RIMS2: variants seen among roughly 807,000 people sequenced by gnomAD.
RIMS2 encodes the protein regulating synaptic membrane exocytosis protein 2.
RIMS2 carries 59 observed loss-of-function variants against 174.4 expected under a neutral mutation model. The observed-to-expected ratio is 0.34, with a 90% CI of 0.27 to 0.42. The LOEUF (loss-of-function observed/expected upper bound fraction) is 0.42, where lower values mean the gene tolerates loss of function less well. Ranked by LOEUF, RIMS2 falls within the 10% of genes least tolerant of loss-of-function variation. RIMS2 has a pLI of 1.00. For missense variants in RIMS2, 1,620 were observed against 1,666.3 expected, an observed-to-expected ratio of 0.97 and a Z score of 0.48; for synonymous variants, 606 against 572.5, an observed-to-expected ratio of 1.06 and a Z score of -0.84.
rs551596180 is a variant in RIMS2, at chr8:104,039,637, A to T, written c.3334+25022A>T. ...CATACCAATTTCATTTTTACTTGTG[A>T]GGGAACTATTTTAGTAGTATGGAAA... On this transcript the variant is annotated intron_variant, in intron 19 of 23. Coordinates refer to ENST00000504942, the Ensembl canonical transcript of RIMS2. Among the ~76,000 whole-genome samples the T allele has an allele frequency of 2.3e-4, 35 of 151,866 alleles. No homozygotes were observed. In the Middle Eastern group the frequency reaches 0.01, roughly 44 times the overall value.
At chr8:103,523,092 TTATG>T (rs1389702579) in intron 1 of RIMS2, among the ~76,000 whole-genome samples, 6 of 151,802 alleles carry the variant, frequency 4.0e-5, no homozygotes, top group African/African-American at 1.4e-4. Context: ...ATGTGTGTGT[TTATG>T]TGTGTGTGTG....
intron 2 of RIMS2, among the ~76,000 whole-genome samples, chr8:103,729,919 T>A (rs979881954): frequency 2.2e-4 from 33 of 152,198 alleles, no homozygotes; most frequent in African/African-American, 7.7e-4. Context: ...CTTAATATAA[T>A]GTTAGTTTTT....
chr8:103,953,843 G>A (rs1178844830), intron 14 of RIMS2, among the ~76,000 whole-genome samples: 1 of 152,044 alleles, frequency 6.6e-6, no homozygotes, highest in Non-Finnish European at 1.5e-5. Context: ...TCAGTGTGCT[G>A]TATTCAGGAG....
rs532964013 is a variant in RIMS2 at position 104,011,098 on chromosome 8, G to T, written c.3045-2344G>T. 9.9e-5 allele frequency among the ~76,000 whole-genome samples: 15 copies of T among 152,242 alleles called. No individual in the cohort carries two copies. In the East Asian group the frequency reaches 2.5e-3, roughly 25 times the overall value. On this transcript the variant is annotated intron_variant, in intron 17 of 23. Transcript: ENST00000504942. ...TCTCAATCCCTTTAAGGGACCTGAT[G>T]TAAGACTGTGTAATTTAGGCATTGC...
intron 1 of RIMS2, among the ~76,000 whole-genome samples, chr8:103,680,223 C>T (rs1359063208): frequency 6.6e-6 from 1 of 151,848 alleles, no homozygotes; most frequent in Non-Finnish European, 1.5e-5. Flanking sequence ...ATAAACAGAC[C>T]TATGTATATA....
intron 19 of RIMS2, among the ~76,000 whole-genome samples, chr8:104,219,688 T>C (rs1563825166): frequency 6.6e-6 from 1 of 152,206 alleles, no homozygotes; most frequent in Admixed American, 6.5e-5. Flanking sequence ...TTGTGTATAT[T>C]TGTGACTCAC....
intron 2 of RIMS2, among the ~76,000 whole-genome samples, chr8:103,753,252 T>C (rs1276626379): frequency 6.6e-6 from 1 of 152,238 alleles, no homozygotes; most frequent in Non-Finnish European, 1.5e-5. Context: ...GATTTGCGTA[T>C]ATTGAACCAG....
intron 3 of RIMS2, among the ~76,000 whole-genome samples, chr8:103,824,364 A>C (rs1016694403): frequency 5.9e-5 from 9 of 152,186 alleles, no homozygotes; most frequent in Non-Finnish European, 8.8e-5. Context: ...CATATGGGCT[A>C]TAGGCTTTCT....
intron 19 of RIMS2, among the ~76,000 whole-genome samples, chr8:104,027,243 C>A (rs1342283348): frequency 6.6e-6 from 1 of 152,122 alleles, no homozygotes; most frequent in Admixed American, 6.6e-5. Context: ...GATTTCCTCT[C>A]CCCATTCATA....
chr8:103,813,607 G>T (rs117620697), intron 3 of RIMS2, among the ~76,000 whole-genome samples: 1,733 of 152,128 alleles, frequency 0.011, 24 homozygotes, highest in South Asian at 0.049. Context: ...CTGTGTCCAA[G>T]TGCTCTCGTT....
chr8:103,723,623 G>A (rs2097484745), intron 2 of RIMS2, among the ~76,000 whole-genome samples: 2 of 152,210 alleles, frequency 1.3e-5, no homozygotes, highest in South Asian at 2.1e-4. Context: ...TAGAGCCTGG[G>A]ACTGTGGGTG....
chr8:104,025,813 C>T (rs2096244943), intron 19 of RIMS2, among the ~76,000 whole-genome samples: 1 of 151,946 alleles, frequency 6.6e-6, no homozygotes, highest in Non-Finnish European at 1.5e-5. Flanking sequence ...TCATACTGTG[C>T]TTTTCCTGTA....
At chr8:104,215,186 C>CAGT (rs1376524429) in intron 19 of RIMS2, among the ~76,000 whole-genome samples, 2 of 152,174 alleles carry the variant, frequency 1.3e-5, no homozygotes, top group Admixed American at 6.5e-5. Flanking sequence ...GCATATCAAG[C>CAGT]AGTATAAGCA....
At chr8:103,536,543 G>C (rs1839834243) in intron 1 of RIMS2, among the ~76,000 whole-genome samples, 1 of 152,196 alleles carries the variant, frequency 6.6e-6, no homozygotes, top group Admixed American at 6.5e-5. Context: ...CAGGAAGCAT[G>C]ATGCTGACGT....
At chr8:104,038,533 A>G (rs1025901285) in intron 19 of RIMS2, among the ~76,000 whole-genome samples, 1 of 151,918 alleles carries the variant, frequency 6.6e-6, no homozygotes, top group Non-Finnish European at 1.5e-5. Flanking sequence ...CCCTTCATTA[A>G]CTGCACTAAA....
At chr8:103,574,155 T>C (rs1454856351) in intron 1 of RIMS2, among the ~76,000 whole-genome samples, 2 of 152,154 alleles carry the variant, frequency 1.3e-5, no homozygotes, top group African/African-American at 2.4e-5. Flanking sequence ...AACTGCTTAC[T>C]TATATTATAA....
rs778115693 is a variant in RIMS2, at chr8:103,650,042, C to G, written c.177-47044C>G. On this transcript the variant is annotated intron_variant, in intron 1 of 23. Coordinates refer to ENST00000504942, the Ensembl canonical transcript of RIMS2. The stretch of plus-strand genomic sequence containing the variant: ...TTTAGCGTTTTTGTGTTGATTCTTT[C>G]TTAGCTTTATGGGCTTACCTACCTT... Among the ~76,000 whole-genome samples, 65 of 152,096 alleles carry G rather than the reference C, an allele frequency of 4.3e-4. 2 individuals carry two copies. The highest frequency in any genetic ancestry group is 2.4e-5 in the African/African-American group (1 of 41,422).
intron 17 of RIMS2, among the ~76,000 whole-genome samples, 157 bp from the exon 20 acceptor site, chr8:104,013,285 G>A (rs745499297): frequency 5.9e-5 from 9 of 152,026 alleles, no homozygotes; most frequent in African/African-American, 1.4e-4. Context: ...AACAAGTTTC[G>A]TTTGAAATTG....
At chr8:103,672,703 G>T (rs1410584922) in intron 1 of RIMS2, among the ~76,000 whole-genome samples, 4 of 151,988 alleles carry the variant, frequency 2.6e-5, no homozygotes, top group African/African-American at 9.7e-5. Flanking sequence ...CAGCACTGGG[G>T]ATTACAATTC....
Sources: gnomAD v4.1 joint callset for allele counts (sites outside exome capture counted in the v4.1 genomes callset) on GRCh38, gnomAD v4.1.1 for gene constraint, MANE v1.5 for transcripts, NCBI Gene and HGNC (gene_info 2026-07-23, HGNC 2026-07-21) for gene names.